The following GPHN variants were observed in gnomAD, a reference collection of about 807,000 sequenced individuals.
The protein encoded by GPHN is gephyrin.
Under a neutral mutation model 95.5 loss-of-function variants are expected in GPHN, and 17 were observed. The observed-to-expected ratio is 0.18, with a 90% confidence interval of 0.12 to 0.27. The LOEUF (loss-of-function observed/expected upper bound fraction) is 0.27. GPHN is among the 10% of genes least tolerant of loss of function. The pLI, the probability that GPHN is intolerant of heterozygous loss-of-function variation, is 1.00. For missense variants in GPHN, 660 were observed against 978.1 expected (o/e 0.67, Z 4.34); for synonymous variants, 320 against 322.5 (o/e 0.99, Z 0.08).
intron 1 of GPHN, among the ~76,000 whole-genome samples, chr14:66,586,498 T>G (rs1164026680): frequency 6.6e-6 from 1 of 152,218 alleles, no homozygotes; most frequent in Non-Finnish European, 1.5e-5. Context: ...GTCTTTACAG[T>G]TTGGCATGTG....
chr14:66,926,047 T>C (rs2066467344), intron 8 of GPHN, among the ~76,000 whole-genome samples: 1 of 152,238 alleles, frequency 6.6e-6, no homozygotes, highest in South Asian at 2.1e-4. Flanking sequence ...TTTGTATGTC[T>C]TCCCTTGAGA....
intron 8 of GPHN, among the ~76,000 whole-genome samples, chr14:66,959,757 G>T (rs2068772950): frequency 6.6e-6 from 1 of 151,838 alleles, no homozygotes; most frequent in Non-Finnish European, 1.5e-5. Context: ...CTTCTTGTGT[G>T]CATTCATGTC....
chr14:67,655,534 T>G, the GPHN span, among the ~76,000 whole-genome samples: 2 of 152,160 alleles, frequency 1.3e-5, no homozygotes, highest in Non-Finnish European at 2.9e-5. Context: ...TTACTTTTTT[T>G]TTTTTACTTT....
the GPHN span, chr14:67,221,636 A>C: frequency 6.6e-6 from 8 of 1,218,278 alleles, no homozygotes; most frequent in African/African-American, 4.6e-5. Context: ...TATAATCAGC[A>C]ATGGCCTAGG....
chr14:66,576,540 CAG>C (rs2060907895), intron 1 of GPHN, among the ~76,000 whole-genome samples: 3 of 151,746 alleles, frequency 2.0e-5, no homozygotes, highest in South Asian at 4.2e-4. Flanking sequence ...TCTCTAATAA[CAG>C]GGGCTTCAGG....
At chr14:66,701,850 G>C (rs10150320) in intron 2 of GPHN, among the ~76,000 whole-genome samples, 38,396 of 152,106 alleles carry the variant, frequency 0.25, 9,764 homozygotes, top group African/African-American at 0.62. Context: ...TGGGGTAGGG[G>C]CAGCAGCCAG....
intron 5 of GPHN, among the ~76,000 whole-genome samples, chr14:66,902,245 GT>G (rs2065157003): frequency 6.6e-6 from 1 of 151,900 alleles, no homozygotes; most frequent in Admixed American, 6.6e-5. Flanking sequence ...TATTGAATTT[GT>G]TTATCAATTC....
At chr14:67,208,146 C>T in the GPHN span, 52 of 1,600,712 alleles carry the variant, frequency 3.2e-5, no homozygotes, top group Admixed American at 1.7e-4. Context: ...TCCACAAACA[C>T]CTATTACCTG....
intron 2 of GPHN, among the ~76,000 whole-genome samples, chr14:66,724,071 T>A (rs1302261380): frequency 2.0e-5 from 3 of 151,636 alleles, no homozygotes; most frequent in Admixed American, 1.3e-4. Context: ...ATTTCTGCAA[T>A]GAGTCAATAA....
intron 17 of GPHN, chr14:67,143,107 A>G (rs2080587326): frequency 7.2e-6 from 3 of 419,410 alleles, no homozygotes. Context: ...TCCTTTCATT[A>G]TAGTGGCTTG....
intron 17 of GPHN, among the ~76,000 whole-genome samples, chr14:67,124,158 C>A (rs1256455551): frequency 2.0e-5 from 3 of 152,164 alleles, no homozygotes; most frequent in Non-Finnish European, 4.4e-5. Context: ...GTAATCCCAG[C>A]ACTTTGGGAG....
intron 1 of GPHN, among the ~76,000 whole-genome samples, chr14:66,650,538 C>T (rs149127163): frequency 1.7e-3 from 253 of 152,240 alleles, no homozygotes; most frequent in African/African-American, 5.5e-3. Flanking sequence ...CCTAACTAGA[C>T]GAATCAATGA....
At chr14:67,108,592 T>A (rs1174121462) in intron 13 of GPHN, among the ~76,000 whole-genome samples, 7 of 152,186 alleles carry the variant, frequency 4.6e-5, no homozygotes, top group Non-Finnish European at 7.4e-5. Context: ...TTGGTAGTAT[T>A]GCTTACAGTA....
At chr14:67,089,115 ATTTTTTTTTCTTTTTTTC>A (rs1351319866) in intron 12 of GPHN, 40 bp downstream of exon 12, 124 of 363,190 alleles carry the variant, frequency 3.4e-4, no homozygotes, top group Non-Finnish European at 4.7e-4. Context: ...CAGGCACTGT[ATTTTTTTTTCTTTTTTTC>A]TTTTTTTTTT....
At chr14:67,576,084 T>C in the GPHN span, 1 of 1,167,428 alleles carries the variant, frequency 8.6e-7, no homozygotes, top group Non-Finnish European at 1.2e-6. This position sits in a 1 kb window ranked among gnomAD's most constrained non-coding sequence, Gnocchi z 4.0. Context: ...CTCCTGAGCT[T>C]CCCAAAATTC....
chr14:66,945,348 A>T (rs1337245023), intron 8 of GPHN, among the ~76,000 whole-genome samples: 1 of 152,108 alleles, frequency 6.6e-6, no homozygotes, highest in African/African-American at 2.4e-5. Context: ...GCTCCACCCC[A>T]TCCTCCCAGT....
the GPHN span, chr14:67,692,177 C>G: frequency 2.4e-6 from 1 of 414,124 alleles, no homozygotes; most frequent in South Asian, 2.6e-5. Context: ...AAAGCCTGTA[C>G]TGAGTGCTGA....
chr14:67,404,543 T>G, the GPHN span, among the ~76,000 whole-genome samples: 6 of 152,164 alleles, frequency 3.9e-5, no homozygotes, highest in African/African-American at 1.4e-4. Context: ...GGTGTGGTGA[T>G]TCACACCTGT....
the GPHN span, among the ~76,000 whole-genome samples, chr14:67,251,084 A>C: frequency 2.2e-4 from 34 of 152,356 alleles, no homozygotes; most frequent in Non-Finnish European, 4.4e-4. Context: ...TATAAGTGAT[A>C]GAAAGGAGTT....
Sources: gnomAD v4.1 joint callset for allele counts (sites outside exome capture counted in the v4.1 genomes callset) on GRCh38, gnomAD v4.1.1 for gene constraint, Gnocchi (gnomAD v3.1) non-coding constraint, MANE v1.5 for transcripts, NCBI Gene and HGNC (gene_info 2026-07-23, HGNC 2026-07-21) for gene names.